The following ABCB11 variants were observed in gnomAD, a reference collection of about 807,000 sequenced individuals.
The protein encoded by ABCB11 is ATP binding cassette subfamily B member 11.
A neutral mutation model predicts 148.0 loss-of-function variants in ABCB11; 95 were observed. The ratio of observed to expected loss-of-function variants is 0.64; its 90% CI spans 0.54 to 0.76. ABCB11 has a LOEUF of 0.76. ABCB11 is among the 30% of genes least tolerant of loss of function. ABCB11 has a pLI of 0.00. For missense variants in ABCB11, 1,523 were observed against 1,617.8 expected (o/e 0.94, Z 1.01); for synonymous variants, 591 against 555.4 (o/e 1.06, Z -0.90).
In ABCB11 at chr2:168,989,092, C is replaced by T. The variant is rs72623180; in HGVS notation, c.908+1709G>A. Among the ~76,000 whole-genome samples, 2,287 of 152,132 alleles carry T rather than the reference C, an allele frequency of 0.015. 252 individuals carry two copies. The East Asian group carries it at 0.3, about 20-fold the overall frequency. On this transcript the variant is annotated intron_variant, in intron 9 of 27. Coordinates refer to ENST00000650372, the MANE Select transcript of ABCB11 (RefSeq NM_003742.4). ...TCATTCTATAAATTGCCTCTTCACTCTGTTGATTGCTTCCTTTTTGAAGCT... is the reference window on the plus strand; with the variant it reads ...TCATTCTATAAATTGCCTCTTCACTTTGTTGATTGCTTCCTTTTTGAAGCT...
chr2:168,993,087 AC>A (rs1433748757), intron 8 of ABCB11, among the ~76,000 whole-genome samples: 1 of 151,992 alleles, frequency 6.6e-6, no homozygotes, highest in Admixed American at 6.6e-5. Context: ...CGAGACAGTG[AC>A]TGGGATAACT....
chr2:169,000,960 C>T (rs1250107676), intron 5 of ABCB11, among the ~76,000 whole-genome samples: 3 of 151,972 alleles, frequency 2.0e-5, no homozygotes, highest in African/African-American at 7.2e-5. Context: ...TTTGATTTAT[C>T]TATAGCGTTT....
chr2:168,955,594 C>T (rs1030777011), intron 19 of ABCB11, among the ~76,000 whole-genome samples: 5 of 151,630 alleles, frequency 3.3e-5, no homozygotes, highest in Non-Finnish European at 7.4e-5. Flanking sequence ...CAGTTTGACA[C>T]GAGATTTGGG....
At chr2:169,011,743 C>T (rs3770600) in intron 5 of ABCB11, among the ~76,000 whole-genome samples, 11,429 of 152,154 alleles carry the variant, frequency 0.075, 497 homozygotes, top group African/African-American at 0.11. Flanking sequence ...CCAACTGCAG[C>T]CACAAACACC....
chr2:168,967,074 A>G (rs1693351082), intron 17 of ABCB11, among the ~76,000 whole-genome samples: 1 of 151,882 alleles, frequency 6.6e-6, no homozygotes, highest in Non-Finnish European at 1.5e-5. Flanking sequence ...CCACTTTGCA[A>G]CCTTTAACCT....
chr2:169,018,595 C>A (rs1248220472), intron 1 of ABCB11, among the ~76,000 whole-genome samples: 3 of 152,116 alleles, frequency 2.0e-5, no homozygotes, highest in Non-Finnish European at 4.4e-5. Context: ...CTTCAGTGTT[C>A]CTTTGTAAAT....
At chr2:168,995,288 G>A (rs1442948291) in intron 7 of ABCB11, 61 bp downstream of exon 7, 7 of 1,512,782 alleles carry the variant, frequency 4.6e-6, no homozygotes, top group Non-Finnish European at 5.3e-6. Flanking sequence ...ATTTAATTTA[G>A]AAACAAGGGT....
chr2:169,007,632 T>C (rs191962711), intron 5 of ABCB11, among the ~76,000 whole-genome samples: 1 of 152,272 alleles, frequency 6.6e-6, no homozygotes, highest in East Asian at 1.9e-4. Context: ...GTTTCTTAGA[T>C]ATGACACCAA....
chr2:169,029,724 C>CTTTTTTTTT lies in ABCB11; in HGVS notation c.-28+1492_-28+1500dup, dbSNP rs1166356679. Among the ~76,000 whole-genome samples the CTTTTTTTTT allele has an allele frequency of 1.8e-3, 158 of 88,300 alleles. 21 individuals are homozygous for CTTTTTTTTT. The highest frequency in any genetic ancestry group is 8.7e-3 in the African/African-American group (151 of 17,430). The allele number at this position is 88,300 out of a possible 152,430, so 57.9% of individuals were successfully genotyped here. On this transcript the variant is annotated intron_variant, in intron 1 of 27. Transcript: ENST00000650372. ...GTCTCTAAATGTACAGTTCTTTCCT[C>CTTTTTTTTT]TTTTTTTTTTTTTTTTTTTTTTTTT... is the stretch of plus-strand genomic sequence containing the variant.
At chr2:169,005,156 G>C (rs1027071931) in intron 5 of ABCB11, among the ~76,000 whole-genome samples, 1 of 152,060 alleles carries the variant, frequency 6.6e-6, no homozygotes, top group Non-Finnish European at 1.5e-5. Flanking sequence ...GCACTTTCAA[G>C]AGTGCATCAG....
intron 25 of ABCB11, among the ~76,000 whole-genome samples, chr2:168,928,346 T>C (rs1156861825): frequency 6.6e-6 from 1 of 152,188 alleles, no homozygotes; most frequent in Non-Finnish European, 1.5e-5. Flanking sequence ...AAGACATGCT[T>C]CATGGTCCTT....
intron 14 of ABCB11, among the ~76,000 whole-genome samples, chr2:168,971,325 G>A (rs1209150144): frequency 1.3e-5 from 2 of 151,972 alleles, no homozygotes; most frequent in Admixed American, 6.6e-5. Flanking sequence ...GACTTAGCAG[G>A]CCATCGGTGG....
At chr2:169,030,942 G>GT (rs1454398664) in intron 1 of ABCB11, among the ~76,000 whole-genome samples, 2 of 151,966 alleles carry the variant, frequency 1.3e-5, no homozygotes, top group African/African-American at 4.8e-5. Flanking sequence ...CAATCTATTC[G>GT]GCCATTTGTA....
chr2:168,915,392 A>C (rs908223000), downstream of ABCB11, among the ~76,000 whole-genome samples: 74 of 152,142 alleles, frequency 4.9e-4, no homozygotes, highest in African/African-American at 1.8e-3. Context: ...ATATTGTGTT[A>C]TTTTCTTTAT....
chr2:168,983,518 A>G (rs1433875742), intron 10 of ABCB11, among the ~76,000 whole-genome samples: 1 of 152,204 alleles, frequency 6.6e-6, no homozygotes, highest in Non-Finnish European at 1.5e-5. Flanking sequence ...ATTAACCTGT[A>G]TTATCATATT....
intron 13 of ABCB11, among the ~76,000 whole-genome samples, chr2:168,973,380 C>T (rs1223587233): frequency 6.6e-6 from 1 of 152,012 alleles, no homozygotes; most frequent in Non-Finnish European, 1.5e-5. Context: ...ATGCCAACAT[C>T]AAGTGACATA....
At chr2:169,021,462 A>G (rs2106065964) in intron 1 of ABCB11, among the ~76,000 whole-genome samples, 1 of 152,324 alleles carries the variant, frequency 6.6e-6, no homozygotes, top group Non-Finnish European at 1.5e-5. Context: ...CAATCCAGCT[A>G]GAAGACAAAT....
chr2:169,003,525 T>C (rs1694940923), intron 5 of ABCB11, among the ~76,000 whole-genome samples: 1 of 152,040 alleles, frequency 6.6e-6, no homozygotes, highest in Admixed American at 6.6e-5. Context: ...TTTTTGCAAT[T>C]GCAAATTCTG....
rs1691766139 is a variant in ABCB11 at position 168,935,278 on chromosome 2, C to A, written c.2962G>T (p.Ala988Ser). ...TTCGCAATAAACATGATGCACTGGG[C>A]AAAGGCAAAGCAGAATCCGTAAATA... ...ANIYGFCFAF[A>S]QCIMFIANSA... Residue 988 changes from alanine to serine, a missense_variant, in exon 23 of 28, where the codon GCC (alanine) becomes TCC (serine). Physicochemically the swap from Ala to Ser is moderately conservative, Grantham distance 99. Coordinates refer to ENST00000650372, the MANE Select transcript of ABCB11 (RefSeq NM_003742.4). 2 of 1,613,968 alleles carry A rather than the reference C, an allele frequency of 1.2e-6. No individual in the cohort carries two copies. Among genetic ancestry groups the A allele is most frequent in the African/African-American group, 1.3e-5 (1 of 75,048 alleles).
Sources: gnomAD v4.1 joint callset for allele counts (sites outside exome capture counted in the v4.1 genomes callset) on GRCh38, gnomAD v4.1.1 for gene constraint, MANE v1.5 for transcripts, NCBI Gene and HGNC (gene_info 2026-07-23, HGNC 2026-07-21) for gene names.